Variants in SPACA7 observed in about 807,000 individuals in gnomAD.
SPACA7 encodes the protein sperm acrosome associated 7, also known as sperm acrosome-associated protein 7.
In SPACA7, 19 loss-of-function variants were observed where a neutral mutation model predicts 26.3. That is an observed-to-expected ratio of 0.72 (90% CI 0.50 to 1.06). The LOEUF is 1.06. Among genes scored for constraint, SPACA7 ranks in the 50% least tolerant of loss-of-function variants. SPACA7 has a pLI of 0.00. For missense variants in SPACA7, 211 were observed against 229.9 expected (o/e 0.92, Z 0.53); for synonymous variants, 84 against 84.5 (o/e 0.99, Z 0.04).
chr13:112,416,176 A>C (rs929514532), intron 5 of SPACA7, among the ~76,000 whole-genome samples: 1 of 152,032 alleles, frequency 6.6e-6, no homozygotes, highest in African/African-American at 2.4e-5. Context: ...TGTGAAGGTG[A>C]CTTCTTGAAT....
chr13:112,388,763 A>T (rs1290325338), intron 1 of SPACA7, among the ~76,000 whole-genome samples: 1 of 152,230 alleles, frequency 6.6e-6, no homozygotes, highest in African/African-American at 2.4e-5. Context: ...TTATTACTCA[A>T]ATCAGTCTCC....
In SPACA7 at chr13:112,401,089, C is replaced by A; in HGVS notation, c.370C>A (p.Leu124Ile). 1 of 1,614,114 alleles carries A rather than the reference C, an allele frequency of 6.2e-7. No individual in the cohort carries two copies. Among genetic ancestry groups the A allele is most frequent in the Non-Finnish European group, 8.5e-7 (1 of 1,179,964 alleles). Residue 124 changes from leucine to isoleucine, a missense_variant, in exon 5 of 7, where the codon CTC becomes ATC. Coordinates refer to ENST00000283550, the MANE Select transcript of SPACA7 (RefSeq NM_145248.5). ...TAAAGAAGCCAATGCTAATGCAAAT[C>A]TCCATGGCGATCCTTCTGAGAATTA... ...SNDEANANAN[L>I]HGDPSENYRG... is the part of the protein sequence containing the mutation.
At chr13:112,408,370 G>A (rs1026549364) in intron 5 of SPACA7, among the ~76,000 whole-genome samples, 1 of 152,140 alleles carries the variant, frequency 6.6e-6, no homozygotes, top group Non-Finnish European at 1.5e-5. Context: ...TCCAGCCAGG[G>A]CAATCAGGCA....
intron 5 of SPACA7, among the ~76,000 whole-genome samples, chr13:112,412,190 C>T (rs1886395254): frequency 6.6e-6 from 1 of 152,100 alleles, no homozygotes; most frequent in African/African-American, 2.4e-5. Flanking sequence ...ATTTGCATTT[C>T]CCTGGTGATT....
chr13:112,399,317 A>T, intron 4 of SPACA7, 144 bp downstream of exon 4: 1 of 664,152 alleles, frequency 1.5e-6, no homozygotes, highest in Non-Finnish European at 2.7e-6. Flanking sequence ...GGTTGGGCAG[A>T]TCTCCCAGTC....
intron 5 of SPACA7, among the ~76,000 whole-genome samples, chr13:112,404,540 T>C (rs1262561931): frequency 6.6e-6 from 1 of 152,248 alleles, no homozygotes; most frequent in African/African-American, 2.4e-5. Flanking sequence ...AGAATTGGTA[T>C]GGTTTCAGGT....
rs552990113 is a variant in SPACA7, at chr13:112,429,179, C to G, written c.446-3265C>G. ...ATCACTTGAGCCCAGGAGTTCAAGA[C>G]CAGCCTGGGCAACATAGCAAGACCT... On this transcript the variant is annotated intron_variant, in intron 5 of 6. Coordinates refer to ENST00000283550, the MANE Select transcript of SPACA7 (RefSeq NM_145248.5). Among the ~76,000 whole-genome samples, 10 of 152,214 alleles carry G rather than the reference C, an allele frequency of 6.6e-5. No individual in the cohort carries two copies. The South Asian group carries it at 2.1e-3, about 32-fold the overall frequency.
intron 5 of SPACA7, among the ~76,000 whole-genome samples, chr13:112,418,728 C>A (rs7991273): frequency 0.082 from 12,423 of 152,128 alleles, 1,103 homozygotes; most frequent in East Asian, 0.28. Context: ...AAGCAATATG[C>A]CATGGATAAT....
intron 5 of SPACA7, among the ~76,000 whole-genome samples, chr13:112,413,250 T>C (rs991674674): frequency 1.3e-5 from 2 of 152,218 alleles, no homozygotes; most frequent in Non-Finnish European, 2.9e-5. Flanking sequence ...TCAGCCTTTC[T>C]TGTAAGACAG....
intron 5 of SPACA7, among the ~76,000 whole-genome samples, chr13:112,408,426 AT>A (rs1400324345): frequency 6.6e-6 from 1 of 152,126 alleles, no homozygotes; most frequent in East Asian, 1.9e-4. Context: ...AGGAAGTCAA[AT>A]TGTCCCTGTT....
chr13:112,407,686 A>G (rs1048951764), intron 5 of SPACA7, among the ~76,000 whole-genome samples: 1 of 152,240 alleles, frequency 6.6e-6, no homozygotes, highest in African/African-American at 2.4e-5. Flanking sequence ...TGAATCCCTG[A>G]ATACACCAAT....
chr13:112,399,763 G>A (rs1187165557), intron 4 of SPACA7, among the ~76,000 whole-genome samples: 1 of 152,208 alleles, frequency 6.6e-6, no homozygotes, highest in Non-Finnish European at 1.5e-5. Flanking sequence ...AACTACCTGA[G>A]GCTGAGTAAT....
intron 5 of SPACA7, among the ~76,000 whole-genome samples, chr13:112,424,379 T>G (rs916519405): frequency 5.3e-5 from 8 of 152,178 alleles, no homozygotes. Context: ...TGCAGGAGTC[T>G]GTGGACTTCA....
chr13:112,409,335 C>A (rs1166742966), intron 5 of SPACA7, among the ~76,000 whole-genome samples: 13 of 148,312 alleles, frequency 8.8e-5, no homozygotes, highest in South Asian at 4.3e-4. Context: ...ACACCAAAAG[C>A]AATGGCAACA....
chr13:112,406,115 G>A (rs527908952), intron 5 of SPACA7, among the ~76,000 whole-genome samples: 1 of 151,972 alleles, frequency 6.6e-6, no homozygotes, highest in African/African-American at 2.4e-5. Flanking sequence ...AATTTGCCAT[G>A]GTAACCATTT....
intron 5 of SPACA7, among the ~76,000 whole-genome samples, chr13:112,405,213 C>T (rs1333717806): frequency 1.3e-5 from 2 of 151,760 alleles, no homozygotes; most frequent in Non-Finnish European, 2.9e-5. Flanking sequence ...TTCTTCTTTA[C>T]CTCATTAATT....
intron 5 of SPACA7, among the ~76,000 whole-genome samples, chr13:112,420,958 C>T (rs1875903360): frequency 1.3e-5 from 2 of 151,984 alleles, no homozygotes; most frequent in South Asian, 4.1e-4. Context: ...ATTGCCATCC[C>T]AGAATTCTAT....
chr13:112,384,520 C>T (rs1228211078), intron 1 of SPACA7, among the ~76,000 whole-genome samples: 1 of 151,796 alleles, frequency 6.6e-6, no homozygotes, highest in East Asian at 1.9e-4. Context: ...CTTTAAAGGA[C>T]CTAATATTTA....
chr13:112,430,579 A>T (rs79185288), intron 5 of SPACA7, among the ~76,000 whole-genome samples: 2 of 152,316 alleles, frequency 1.3e-5, no homozygotes, highest in East Asian at 3.9e-4. Flanking sequence ...TCTGCATTTC[A>T]ACTCTGGAAG....
Sources: gnomAD v4.1 joint callset for allele counts (sites outside exome capture counted in the v4.1 genomes callset) on GRCh38, gnomAD v4.1.1 for gene constraint, MANE v1.5 for transcripts, NCBI Gene and HGNC (gene_info 2026-07-23, HGNC 2026-07-21) for gene names.